EXD3: variants seen among roughly 807,000 people sequenced by gnomAD.
EXD3 encodes the protein exonuclease 3'-5' domain containing 3, also known as exonuclease mut-7 homolog.
EXD3 carries 92 observed loss-of-function variants against 98.0 expected under a neutral mutation model. The observed-to-expected ratio is 0.94, with a 90% confidence interval of 0.79 to 1.12. EXD3 has a LOEUF of 1.12. EXD3 is among the 50% of genes most tolerant of loss of function. The pLI is 0.00. For missense variants in EXD3, 1,222 were observed against 1,191.6 expected (o/e 1.03, Z -0.38); for synonymous variants, 569 against 526.0 (o/e 1.08, Z -1.12).
intron 3 of EXD3, among the ~76,000 whole-genome samples, chr9:137,382,204 C>CGCGGGGAGGAGGTG (rs1564194954): frequency 1.3e-5 from 2 of 151,868 alleles, no homozygotes; most frequent in Admixed American, 6.6e-5. Flanking sequence ...GAGGTGAGGG[C>CGCGGGGAGGAGGTG]ACAGACACAG....
intron 3 of EXD3, among the ~76,000 whole-genome samples, chr9:137,381,905 G>A (rs1189522039): frequency 8.5e-5 from 13 of 152,214 alleles, no homozygotes; most frequent in East Asian, 1.9e-4. Context: ...GCTGGAATCC[G>A]GGAATGTGAT....
intron 5 of EXD3, among the ~76,000 whole-genome samples, chr9:137,370,777 G>A (rs1396979757): frequency 6.6e-6 from 1 of 150,478 alleles, no homozygotes; most frequent in Non-Finnish European, 1.5e-5. Flanking sequence ...GCGTGGGCCT[G>A]GAGCCAAGAG....
At chr9:137,317,962 G>T (rs1831784313) in intron 19 of EXD3, among the ~76,000 whole-genome samples, 1 of 152,158 alleles carries the variant, frequency 6.6e-6, no homozygotes, top group African/African-American at 2.4e-5. Flanking sequence ...GGTCTGGGCT[G>T]AGACGGACAG....
chr9:137,320,208 C>A (rs1831957668), intron 19 of EXD3, among the ~76,000 whole-genome samples: 2 of 152,334 alleles, frequency 1.3e-5, no homozygotes, highest in South Asian at 4.1e-4. Context: ...CCAAGGCAGC[C>A]CCCCCGCCCC....
At position 137,348,211 on chromosome 9, in the gene EXD3, C is replaced by T. The variant is rs1476734048; in HGVS notation, c.1858G>A (p.Gly620Ser). ...QVPVAVAVSE[G>S]AAPQIPARAF... ...CTGGCCGGAATCTGAGGGGCAGCGC[C>T]CTCAGACACAGCCACAGCCACAGGG... Residue 620 changes from glycine to serine, a missense_variant, in exon 17 of 22, where the codon GGC (glycine) becomes AGC (serine). Transcript: ENST00000340951. The T allele has an allele frequency of 1.2e-6, 2 of 1,611,748 alleles. No individual in the cohort carries two copies. Among genetic ancestry groups the T allele is most frequent in the South Asian group, 1.1e-5 (1 of 90,996 alleles).
rs1291755501 is a variant in EXD3, at chr9:137,366,626, T to C, written c.523A>G (p.Ile175Val). Residue 175 changes from isoleucine (I) to valine (V), a missense_variant, in exon 7 of 22, where the codon ATC becomes GTC. Transcript: ENST00000340951. ...QSELGVEKMS[I>V]PLLLQDKVAL... Reference sequence around the variant, plus strand: ...ACCTTGTCCTGGAGGAGCAGTGGGATGCTCATCTGCAGGGGGACACACGGT... The same window carrying C: ...ACCTTGTCCTGGAGGAGCAGTGGGACGCTCATCTGCAGGGGGACACACGGT... 1.9e-6 allele frequency: 3 copies of C among 1,558,972 alleles called. No individual in the cohort carries two copies. The highest frequency in any genetic ancestry group is 2.4e-5 in the South Asian group (2 of 84,418).
At chr9:137,363,238 G>A (rs1443297345) in intron 7 of EXD3, among the ~76,000 whole-genome samples, 1 of 144,694 alleles carries the variant, frequency 6.9e-6, no homozygotes, top group African/African-American at 2.6e-5. Flanking sequence ...TCCTTTTTGA[G>A]TTCTGGCTTC....
intron 17 of EXD3, among the ~76,000 whole-genome samples, chr9:137,335,635 G>A (rs975268255): frequency 1.3e-5 from 2 of 152,084 alleles, no homozygotes; most frequent in Non-Finnish European, 2.9e-5. Flanking sequence ...AGCCAAGATC[G>A]CGCCATTGCA....
At chr9:137,375,123 C>T (rs749132952) in intron 3 of EXD3, among the ~76,000 whole-genome samples, 1 of 152,204 alleles carries the variant, frequency 6.6e-6, no homozygotes, top group Non-Finnish European at 1.5e-5. Flanking sequence ...ATTCTCCTGC[C>T]TCAGCCTCCC....
intron 2 of EXD3, among the ~76,000 whole-genome samples, chr9:137,389,223 G>A (rs988717926): frequency 6.6e-6 from 1 of 152,200 alleles, no homozygotes; most frequent in African/African-American, 2.4e-5. Flanking sequence ...GCGGCAACGA[G>A]ACCCCAAGCC....
chr9:137,329,924 A>G (rs1396006181), intron 17 of EXD3, among the ~76,000 whole-genome samples: 1 of 107,188 alleles, frequency 9.3e-6, no homozygotes, highest in Non-Finnish European at 1.9e-5. Context: ...ACAGGACTAC[A>G]CAGGACTACA....
intron 2 of EXD3, among the ~76,000 whole-genome samples, chr9:137,390,246 T>C (rs375014667): frequency 2.7e-4 from 40 of 147,502 alleles, no homozygotes; most frequent in Admixed American, 4.7e-4. Flanking sequence ...CTGGCTAACA[T>C]GGTGAAACCC....
At chr9:137,414,153 G>T (rs1278716829) in intron 1 of EXD3, among the ~76,000 whole-genome samples, 1 of 152,154 alleles carries the variant, frequency 6.6e-6, no homozygotes, top group African/African-American at 2.4e-5. Context: ...TCCTGACCTC[G>T]TGATCCACCT....
At chr9:137,410,808 G>C (rs977673640) in intron 1 of EXD3, among the ~76,000 whole-genome samples, 1 of 152,182 alleles carries the variant, frequency 6.6e-6, no homozygotes, top group Non-Finnish European at 1.5e-5. Flanking sequence ...CAGGGCGAGG[G>C]CTGTGTCCTT....
intron 1 of EXD3, among the ~76,000 whole-genome samples, chr9:137,410,125 G>A (rs1215293472): frequency 2.6e-5 from 4 of 152,084 alleles, no homozygotes; most frequent in Non-Finnish European, 5.9e-5. Flanking sequence ...GCAGTGAGCC[G>A]AGACCGTGCC....
In EXD3 at chr9:137,349,589, C is replaced by T. The variant is rs965581198; in HGVS notation, c.1495-58G>A. 22 of 1,465,508 alleles carry T rather than the reference C, an allele frequency of 1.5e-5. No homozygotes were observed. Among genetic ancestry groups the T allele is most frequent in the Middle Eastern group, 2.5e-4 (1 of 3,954 alleles). 90.8% of individuals were successfully genotyped at this position (1,465,508 alleles called of 1,614,324 possible). ...CTGGCCCTGGCGGCAGCACAGTCAC[C>T]GTGCCCACTCACACCAGCCCTGCGG... On this transcript the variant is annotated intron_variant, in intron 14 of 21. Transcript: ENST00000340951. This position sits in a 1 kb window ranked among gnomAD's most constrained non-coding sequence, Gnocchi z 7.4.
Position 137,324,102 on chromosome 9 carries a change from C to T in EXD3, c.2040G>A (p.Gln680=). The stretch of plus-strand genomic sequence containing the variant: ...TTGGGACACTCACCTTGTGGAATGG[C>T]TGCCCCGACGTCAGAATGATCCTCC... ...QEGRIILTSG[Q]PFHKLRAQVG... Residue 680 remains glutamine (Q), a synonymous_variant, in exon 18 of 22, where the codon CAG becomes CAA. Coordinates refer to ENST00000340951, the MANE Select transcript of EXD3 (RefSeq NM_017820.5). This position sits in a 1 kb window ranked among gnomAD's most constrained non-coding sequence, Gnocchi z 4.1. The T allele has an allele frequency of 6.3e-7, 1 of 1,588,226 alleles. No homozygotes were observed. The highest frequency in any genetic ancestry group is 8.6e-7 in the Non-Finnish European group (1 of 1,168,048).
intron 2 of EXD3, among the ~76,000 whole-genome samples, chr9:137,394,506 C>T (rs13284390): frequency 0.31 from 29,539 of 94,208 alleles, 4,021 homozygotes; most frequent in Middle Eastern, 0.38. Flanking sequence ...TCCCTAACCC[C>T]GGCCTCCCAG....
chr9:137,382,770 C>T (rs752318971), intron 3 of EXD3, among the ~76,000 whole-genome samples: 37 of 152,094 alleles, frequency 2.4e-4, no homozygotes, highest in Admixed American at 5.9e-4. Flanking sequence ...CCAGAGGACG[C>T]GGCACTCAGG....
Sources: gnomAD v4.1 joint callset for allele counts (sites outside exome capture counted in the v4.1 genomes callset) on GRCh38, gnomAD v4.1.1 for gene constraint, Gnocchi (gnomAD v3.1) non-coding constraint, MANE v1.5 for transcripts, NCBI Gene and HGNC (gene_info 2026-07-23, HGNC 2026-07-21) for gene names.